ZNF175: variants seen among roughly 807,000 people sequenced by gnomAD.
The protein encoded by ZNF175 is zinc finger protein OTK18.
In ZNF175, 8 loss-of-function variants were observed where a neutral mutation model predicts 14.0. That is an observed-to-expected ratio of 0.57 (90% confidence interval 0.34 to 1.03). The LOEUF (loss-of-function observed/expected upper bound fraction) is 1.03, where lower values mean the gene tolerates loss of function less well. ZNF175 is among the 50% of genes least tolerant of loss of function. The probability of loss-of-function intolerance (pLI) is 0.03; values close to 1 mark genes in which losing one functional copy is unlikely to be tolerated. For missense variants in ZNF175, 764 were observed against 849.5 expected, an observed-to-expected ratio of 0.90 and a Z score of 1.25; for synonymous variants, 255 against 296.8, an observed-to-expected ratio of 0.86 and a Z score of 1.45.
chr19:51,587,697 T>C lies in ZNF175; in HGVS notation c.1366T>C (p.Phe456Leu), dbSNP rs1223896666. 2 of 1,614,040 alleles carry C rather than the reference T, an allele frequency of 1.2e-6. No homozygotes were observed. The highest frequency in any genetic ancestry group is 1.1e-5 in the South Asian group (1 of 91,068). The change falls in exon 5 of 5, where the codon TTC becomes CTC. Residue 456 changes from phenylalanine (F) to leucine (L), a missense_variant. Coordinates refer to ENST00000262259, the MANE Select transcript of ZNF175 (RefSeq NM_007147.4). ...SYVCIECGQA[F>L]IQKAHLIVHQ... ...TGTGTGTATCGAATGCGGGCAGGCC[T>C]TCATCCAGAAGGCACACCTGATTGT... is the stretch of plus-strand genomic sequence containing the variant.
chr19:51,577,486 C>T (rs565607318), intron 2 of ZNF175, among the ~76,000 whole-genome samples: 1 of 152,116 alleles, frequency 6.6e-6, no homozygotes, highest in East Asian at 1.9e-4. Flanking sequence ...TTTTTAAGAG[C>T]TTTTAGATAT....
In ZNF175 at chr19:51,587,389, A is replaced by C; in HGVS notation, c.1058A>C (p.His353Pro). The C allele has an allele frequency of 6.2e-7, 1 of 1,614,102 alleles. No homozygotes were observed. The highest frequency in any genetic ancestry group is 8.5e-7 in the Non-Finnish European group (1 of 1,180,012). The change falls in exon 5 of 5, where the codon CAC becomes CCC. Residue 353 changes from histidine (H) to proline (P), a missense_variant. His to Pro is a moderately conservative substitution (Grantham distance 77). Coordinates refer to ENST00000262259, the MANE Select transcript of ZNF175 (RefSeq NM_007147.4). Reference sequence around the variant, plus strand: ...ATTCAGAGATCAGAATTGCTTACGCACCAGAAAACACACACTAGAAAGAAG... The same window carrying C: ...ATTCAGAGATCAGAATTGCTTACGCCCCAGAAAACACACACTAGAAAGAAG... ...VFIQRSELLT[H>P]QKTHTRKKPY...
chr19:51,581,465 A>G lies in ZNF175; in HGVS notation c.147A>G (p.Arg49=). The change falls in exon 3 of 5, where the codon AGA becomes AGG. Residue 49 remains arginine (R), a synonymous_variant. Transcript: ENST00000262259. ...GGCAGCAACTGGACCCTGCCCAGAG[A>G]TGCCTGTACCGGGATGTGATGCTGG... ...EEWQQLDPAQ[R]CLYRDVMLEL... 1 of 1,614,122 alleles carries G rather than the reference A, an allele frequency of 6.2e-7. No individual in the cohort carries two copies. Among genetic ancestry groups the G allele is most frequent in the Non-Finnish European group, 8.5e-7 (1 of 1,180,028 alleles).
intron 4 of ZNF175, among the ~76,000 whole-genome samples, chr19:51,582,422 C>T (rs933934550): frequency 2.0e-5 from 3 of 152,022 alleles, no homozygotes; most frequent in African/African-American, 2.4e-5. Context: ...CTCAGCCTCC[C>T]GAGTAGCTGG....
intron 2 of ZNF175, among the ~76,000 whole-genome samples, chr19:51,581,139 G>T (rs1981983603): frequency 6.6e-6 from 1 of 151,374 alleles, no homozygotes; most frequent in African/African-American, 2.4e-5. Context: ...TTAGCTAAAG[G>T]ACTTAGAGGG....
At chr19:51,586,293 A>G (rs534015998) in intron 4 of ZNF175, among the ~76,000 whole-genome samples, 44 of 152,166 alleles carry the variant, frequency 2.9e-4, no homozygotes, top group Non-Finnish European at 5.9e-4. Context: ...ATCCCCACAG[A>G]TTAGCAAAGT....
chr19:51,579,846 T>C (rs931902805), intron 2 of ZNF175, among the ~76,000 whole-genome samples: 7 of 152,160 alleles, frequency 4.6e-5, no homozygotes, highest in African/African-American at 1.2e-4. Context: ...TATTGAGCAC[T>C]TGAATGCGGC....
intron 4 of ZNF175, 37 bp from the exon 5 acceptor site, chr19:51,586,590 T>C: frequency 6.5e-7 from 1 of 1,540,336 alleles, no homozygotes; most frequent in Non-Finnish European, 8.7e-7. Flanking sequence ...TCTTTCTTGT[T>C]CATTGTGTCT....
At position 51,588,175 on chromosome 19, in the gene ZNF175, T is replaced by C. The variant is rs1568577860; in HGVS notation, c.1844T>C (p.Phe615Ser). The C allele has an allele frequency of 6.2e-7, 1 of 1,613,578 alleles. No homozygotes were observed. Among genetic ancestry groups the C allele is most frequent in the Non-Finnish European group, 8.5e-7 (1 of 1,179,928 alleles). The change falls in exon 5 of 5, where the codon TTT (phenylalanine) becomes TCT (serine). Residue 615 changes from phenylalanine to serine, a missense_variant. By Grantham distance (155) the Phe-to-Ser change is radical. Coordinates refer to ENST00000262259, the MANE Select transcript of ZNF175 (RefSeq NM_007147.4). Reference sequence around the variant, plus strand: ...ATAACTCACACTAGAGAGAGGCCTTTTGTCTGTTACAAATGTGGGAAGGCT... The same window carrying C: ...ATAACTCACACTAGAGAGAGGCCTTCTGTCTGTTACAAATGTGGGAAGGCT... ...HQITHTRERP[F>S]VCYKCGKAFV...
intron 3 of ZNF175, 79 bp downstream of exon 3, chr19:51,581,596 G>A (rs1260678351): frequency 1.3e-6 from 2 of 1,555,328 alleles, no homozygotes; most frequent in Non-Finnish European, 1.7e-6. Context: ...AACGCAGTGG[G>A]ATATCAAAGT....
intron 4 of ZNF175, among the ~76,000 whole-genome samples, chr19:51,586,211 T>C (rs1305065007): frequency 1.3e-5 from 2 of 152,130 alleles, no homozygotes; most frequent in Non-Finnish European, 1.5e-5. Flanking sequence ...CTTGTCTGTT[T>C]TATCCTACTC....
At chr19:51,572,518 T>C (rs572381857) in intron 1 of ZNF175, among the ~76,000 whole-genome samples, 2 of 152,198 alleles carry the variant, frequency 1.3e-5, no homozygotes, top group South Asian at 4.1e-4. Flanking sequence ...AAGCTCAGAA[T>C]AGGTACACCA....
chr19:51,588,106 G>A lies in ZNF175; in HGVS notation c.1775G>A (p.Cys592Tyr). Residue 592 changes from cysteine (C) to tyrosine (Y), a missense_variant, in exon 5 of 5, where the codon TGT becomes TAT. Physicochemically the swap from Cys to Tyr is radical, Grantham distance 194. Coordinates refer to ENST00000262259, the MANE Select transcript of ZNF175 (RefSeq NM_007147.4). ...TGEKPYVCTECGKAFNGRSNF... is the reference protein window; with the variant it reads ...TGEKPYVCTEYGKAFNGRSNF... ...GAGAAACCCTATGTGTGCACTGAAT[G>A]TGGGAAGGCCTTCAACGGCAGGTCA... 6.2e-7 allele frequency: 1 copy of A among 1,614,230 alleles called. No individual in the cohort carries two copies. Among genetic ancestry groups the A allele is most frequent in the Admixed American group, 1.7e-5 (1 of 60,028 alleles).
intron 2 of ZNF175, among the ~76,000 whole-genome samples, chr19:51,575,089 G>C (rs1981726779): frequency 6.7e-6 from 1 of 148,904 alleles, no homozygotes; most frequent in Admixed American, 6.7e-5. Context: ...GCATTACTTT[G>C]TTTACAAACA....
intron 2 of ZNF175, chr19:51,574,206 A>G (rs911932457): frequency 6.6e-6 from 1 of 152,228 alleles, no homozygotes; most frequent in Non-Finnish European, 1.5e-5. Flanking sequence ...ATTATCCTGA[A>G]CCAATATATT....
chr19:51,578,145 T>C (rs1981870606), intron 2 of ZNF175, among the ~76,000 whole-genome samples: 1 of 151,270 alleles, frequency 6.6e-6, no homozygotes, highest in Non-Finnish European at 1.5e-5. Context: ...ACGCCTGTAA[T>C]CCCAGCACTT....
Position 51,586,840 on chromosome 19 carries a change from A to C in ZNF175, c.509A>C (p.Glu170Ala). Residue 170 changes from glutamate to alanine, a missense_variant, in exon 5 of 5, where the codon GAA becomes GCA. Physicochemically the swap from Glu to Ala is moderately radical, Grantham distance 107. Transcript: ENST00000262259. ...AFFNKKTLNT[E>A]SNCEYKDPGK... ...TTCAACAAGAAAACATTGAACACAGAAAGCAATTGTGAATATAAGGACCCT... is the reference window on the plus strand; with the variant it reads ...TTCAACAAGAAAACATTGAACACAGCAAGCAATTGTGAATATAAGGACCCT... 1 of 1,614,202 alleles carries C rather than the reference A, an allele frequency of 6.2e-7. No homozygotes were observed. The highest frequency in any genetic ancestry group is 8.5e-7 in the Non-Finnish European group (1 of 1,180,010).
At chr19:51,581,101 C>T (rs1470120495) in intron 2 of ZNF175, among the ~76,000 whole-genome samples, 2 of 151,752 alleles carry the variant, frequency 1.3e-5, no homozygotes, top group African/African-American at 4.8e-5. Flanking sequence ...GTAGTTGCTT[C>T]GTCAACATCA....
At chr19:51,584,082 G>A (rs1361009356) in intron 4 of ZNF175, among the ~76,000 whole-genome samples, 1 of 152,182 alleles carries the variant, frequency 6.6e-6, no homozygotes, top group Non-Finnish European at 1.5e-5. Flanking sequence ...ATTGTATTTG[G>A]ATGGAGAGGA....
Sources: allele counts gnomAD v4.1 joint callset (sites outside exome capture counted in the v4.1 genomes callset), GRCh38; gene constraint gnomAD v4.1.1; transcripts MANE v1.5; gene names NCBI Gene and HGNC (gene_info 2026-07-23, HGNC 2026-07-21).